Variants in COL25A1 observed in about 807,000 individuals in gnomAD.
COL25A1 encodes collagen type XXV alpha 1 chain.
A neutral mutation model predicts 128.4 loss-of-function variants in COL25A1; 103 were observed. The ratio of observed to expected loss-of-function variants is 0.80; its 90% CI spans 0.68 to 0.94. COL25A1 has a LOEUF of 0.94. Among genes scored for constraint, COL25A1 ranks in the 40% least tolerant of loss-of-function variants. The probability of loss-of-function intolerance (pLI) is 0.00; values close to 1 mark genes in which losing one functional copy is unlikely to be tolerated. For synonymous variants in COL25A1, 279 were observed against 277.2 expected, an observed-to-expected ratio of 1.01 and a Z score of -0.06; for missense variants, 745 against 840.0, an observed-to-expected ratio of 0.89 and a Z score of 1.40.
At chr4:109,234,224 G>C (rs1779331750) in intron 3 of COL25A1, among the ~76,000 whole-genome samples, 1 of 152,096 alleles carries the variant, frequency 6.6e-6, no homozygotes, top group Admixed American at 6.6e-5. Flanking sequence ...TTAAAGATAA[G>C]GCTTGGGCAA....
At position 108,918,060 on chromosome 4, in the gene COL25A1, A is replaced by T. The variant is rs369050538; in HGVS notation, c.780+112T>A. ...GCACAATTTTCCTGTATTTCAAAAC[A>T]TAGTGTTTTTATAAGCATATAAGCT... On this transcript the variant is annotated intron_variant, in intron 13 of 37. Coordinates refer to ENST00000399132, the MANE Select transcript of COL25A1 (RefSeq NM_198721.4). The T allele has an allele frequency of 8.7e-4, 438 of 506,000 alleles. 2 individuals carry two copies. The highest frequency in any genetic ancestry group is 7.9e-3 in the African/African-American group (399 of 50,372). 31.3% of individuals were successfully genotyped at this position (506,000 alleles called of 1,614,324 possible). A position where few individuals can be genotyped will look rare whatever the true frequency, so the allele number is the denominator to read the frequency against.
chr4:108,917,074 A>G (rs558187697), intron 13 of COL25A1, among the ~76,000 whole-genome samples: 1 of 152,130 alleles, frequency 6.6e-6, no homozygotes, highest in South Asian at 2.1e-4. Context: ...CATTGACTCT[A>G]TTAGGTAGGC....
At chr4:109,012,063 A>T (rs1329919199) in intron 5 of COL25A1, among the ~76,000 whole-genome samples, 1 of 152,224 alleles carries the variant, frequency 6.6e-6, no homozygotes, top group Admixed American at 6.5e-5. Flanking sequence ...CCCAGGCAGG[A>T]GTGTAGTGGC....
At chr4:109,173,261 A>C (rs1393576244) in intron 3 of COL25A1, among the ~76,000 whole-genome samples, 1 of 152,074 alleles carries the variant, frequency 6.6e-6, no homozygotes, top group Non-Finnish European at 1.5e-5. Flanking sequence ...AATTTAAAAA[A>C]AAAAATAGTA....
chr4:108,951,661 C>T (rs897153153), intron 8 of COL25A1, among the ~76,000 whole-genome samples: 1 of 152,194 alleles, frequency 6.6e-6, no homozygotes, highest in African/African-American at 2.4e-5. Context: ...GTTGGGATTA[C>T]AGGCGTAAGC....
intron 5 of COL25A1, among the ~76,000 whole-genome samples, chr4:109,023,866 C>T (rs1311835458): frequency 6.6e-6 from 1 of 152,148 alleles, no homozygotes; most frequent in East Asian, 1.9e-4. Flanking sequence ...GTGTAATGCC[C>T]TTCTACTCGC....
At chr4:108,870,864 C>A (rs926026386) in intron 19 of COL25A1, among the ~76,000 whole-genome samples, 1 of 151,940 alleles carries the variant, frequency 6.6e-6, no homozygotes, top group African/African-American at 2.4e-5. Context: ...AAAGTTTACA[C>A]GGAAACCAGA....
At chr4:109,079,070 T>C (rs1012660118) in intron 3 of COL25A1, among the ~76,000 whole-genome samples, 3 of 152,228 alleles carry the variant, frequency 2.0e-5, no homozygotes, top group African/African-American at 4.8e-5. Flanking sequence ...TGGAAACAGA[T>C]TGATGATCTA....
intron 31 of COL25A1, among the ~76,000 whole-genome samples, chr4:108,840,288 G>A (rs1393709198): frequency 1.3e-5 from 2 of 148,798 alleles, no homozygotes; most frequent in Non-Finnish European, 3.0e-5. Context: ...CATTGATTTA[G>A]TCTAGATGGG....
chr4:108,933,986 A>G (rs1244800869), intron 11 of COL25A1, among the ~76,000 whole-genome samples: 2 of 152,172 alleles, frequency 1.3e-5, no homozygotes, highest in African/African-American at 4.8e-5. Context: ...ATTACTGGGT[A>G]TATACCCAAA....
chr4:109,189,300 C>G (rs999673654), intron 3 of COL25A1, among the ~76,000 whole-genome samples: 1 of 152,010 alleles, frequency 6.6e-6, no homozygotes, highest in Admixed American at 6.6e-5. Flanking sequence ...GTAATTCCAG[C>G]ACTTTGGGAG....
chr4:109,041,562 G>A (rs1759898502), intron 5 of COL25A1, among the ~76,000 whole-genome samples: 1 of 152,014 alleles, frequency 6.6e-6, no homozygotes, highest in Non-Finnish European at 1.5e-5. Context: ...GTAGGACAGT[G>A]GAGACTTAGG....
At chr4:109,041,360 C>T (rs899801989) in intron 5 of COL25A1, among the ~76,000 whole-genome samples, 3 of 134,728 alleles carry the variant, frequency 2.2e-5, no homozygotes, top group Non-Finnish European at 4.7e-5. Flanking sequence ...AAATTTATGT[C>T]ACCCCCTTTT....
intron 3 of COL25A1, among the ~76,000 whole-genome samples, chr4:109,234,167 A>G (rs1340705892): frequency 6.6e-6 from 1 of 152,170 alleles, no homozygotes; most frequent in Non-Finnish European, 1.5e-5. Flanking sequence ...TAAAGTAAAT[A>G]TTCTTCCCAC....
chr4:109,196,490 T>C (rs1319090899), intron 3 of COL25A1, among the ~76,000 whole-genome samples: 2 of 152,244 alleles, frequency 1.3e-5, no homozygotes, highest in South Asian at 4.1e-4. Context: ...TTTACTCTAA[T>C]ATAGCTGTAT....
intron 3 of COL25A1, among the ~76,000 whole-genome samples, chr4:109,080,322 T>A (rs1763729482): frequency 1.3e-5 from 2 of 152,154 alleles, no homozygotes; most frequent in Non-Finnish European, 2.9e-5. Flanking sequence ...TATACTAAAC[T>A]GTTTCTCCAT....
At position 109,005,825 on chromosome 4, in the gene COL25A1, C is replaced by T. The variant is rs1428107358; in HGVS notation, c.438+4533G>A. 3.9e-5 allele frequency among the ~76,000 whole-genome samples: 6 copies of T among 152,246 alleles called. No homozygotes were observed. In the East Asian group the frequency reaches 1.2e-3, roughly 29 times the overall value. On this transcript the variant is annotated intron_variant, in intron 6 of 37. Coordinates refer to ENST00000399132, the MANE Select transcript of COL25A1 (RefSeq NM_198721.4). ...AGTGAAAGAAGAAGTTTTGCAGTGT[C>T]CATACCCTTCCATTTTCCCAGAGCT...
At chr4:108,827,969 T>C (rs1186150383) in intron 32 of COL25A1, among the ~76,000 whole-genome samples, 1 of 152,128 alleles carries the variant, frequency 6.6e-6, no homozygotes, top group Non-Finnish European at 1.5e-5. Context: ...TCTGCTACCC[T>C]CACTAGAATA....
intron 20 of COL25A1, among the ~76,000 whole-genome samples, chr4:108,867,329 C>T (rs1437752823): frequency 2.0e-5 from 3 of 152,258 alleles, no homozygotes; most frequent in South Asian, 2.1e-4. Context: ...GCCCTGGGTC[C>T]GAGGCTGCAA....
Sources: allele counts gnomAD v4.1 joint callset (sites outside exome capture counted in the v4.1 genomes callset), GRCh38; gene constraint gnomAD v4.1.1; transcripts MANE v1.5; gene names NCBI Gene and HGNC (gene_info 2026-07-23, HGNC 2026-07-21).